The following OR9Q1 variants were observed in gnomAD, a reference collection of about 807,000 sequenced individuals.
OR9Q1 encodes the protein olfactory receptor family 9 subfamily Q member 1.
For missense variants in OR9Q1, 374 were observed against 378.8 expected (o/e 0.99, Z 0.11); for synonymous variants, 153 against 148.6 (o/e 1.03, Z -0.22).
chr11:58,122,138 T>G (rs1038972256), intron 2 of OR9Q1, among the ~76,000 whole-genome samples: 7 of 152,152 alleles, frequency 4.6e-5, no homozygotes, highest in South Asian at 2.1e-4. Flanking sequence ...ATTCACTACA[T>G]GGGTAGAGAG....
chr11:58,090,091 A>G (rs564846294), intron 2 of OR9Q1, among the ~76,000 whole-genome samples: 24 of 152,312 alleles, frequency 1.6e-4, no homozygotes, highest in African/African-American at 5.1e-4. Flanking sequence ...GTCATCTGCA[A>G]ACAGAGACAA....
chr11:58,161,289 A>C (rs191546234), intron 2 of OR9Q1, among the ~76,000 whole-genome samples: 1 of 152,052 alleles, frequency 6.6e-6, no homozygotes, highest in African/African-American at 2.4e-5. Context: ...AACCAAAAAC[A>C]TTTAAACTTG....
intron 2 of OR9Q1, among the ~76,000 whole-genome samples, chr11:58,173,863 T>C (rs1421203678): frequency 2.0e-5 from 3 of 152,182 alleles, no homozygotes; most frequent in South Asian, 2.1e-4. Context: ...GGCAGACATA[T>C]GACTTGTCTT....
intron 2 of OR9Q1, among the ~76,000 whole-genome samples, chr11:58,153,274 G>A (rs1461485732): frequency 6.6e-6 from 1 of 152,204 alleles, no homozygotes; most frequent in African/African-American, 2.4e-5. Context: ...TTAGTGTTAA[G>A]GAGATGGATG....
chr11:58,025,362 C>A (rs967850839), intron 1 of OR9Q1, among the ~76,000 whole-genome samples: 5 of 152,168 alleles, frequency 3.3e-5, no homozygotes, highest in Non-Finnish European at 7.3e-5. Context: ...CCACCATGAC[C>A]AGCTACTTTT....
At chr11:58,146,601 T>G (rs1456751691) in intron 2 of OR9Q1, among the ~76,000 whole-genome samples, 1 of 152,184 alleles carries the variant, frequency 6.6e-6, no homozygotes, top group African/African-American at 2.4e-5. Context: ...TAATTATTAA[T>G]TTTTACAATT....
At chr11:58,119,505 A>G (rs1483315663) in intron 2 of OR9Q1, 4 of 1,136,728 alleles carry the variant, frequency 3.5e-6, no homozygotes, top group South Asian at 1.5e-5. Flanking sequence ...CTCAGAATTG[A>G]AGGACAGAAT....
At chr11:58,048,251 T>TA (rs1459473632) in intron 1 of OR9Q1, among the ~76,000 whole-genome samples, 5 of 152,110 alleles carry the variant, frequency 3.3e-5, no homozygotes, top group African/African-American at 7.2e-5. Flanking sequence ...GTGTGGCTGA[T>TA]AAAAAAATGT....
chr11:58,065,721 C>T (rs1178712282), intron 2 of OR9Q1, among the ~76,000 whole-genome samples: 1 of 152,240 alleles, frequency 6.6e-6, no homozygotes, highest in East Asian at 1.9e-4. Flanking sequence ...GCTCTGCTGT[C>T]CAGCAAATTT....
chr11:58,171,148 T>C (rs1217495663), intron 2 of OR9Q1: 1 of 152,238 alleles, frequency 6.6e-6, no homozygotes. Context: ...GATGTGTCTA[T>C]GATTATTTTG....
At chr11:58,044,612 A>G (rs1231840398) in intron 1 of OR9Q1, 1 of 152,158 alleles carries the variant, frequency 6.6e-6, no homozygotes, top group Non-Finnish European at 1.5e-5. Context: ...ACCCCTCTTT[A>G]TCACGTTTTC....
intron 2 of OR9Q1, among the ~76,000 whole-genome samples, chr11:58,113,558 T>C (rs2120114931): frequency 6.6e-6 from 1 of 152,346 alleles, no homozygotes; most frequent in South Asian, 2.1e-4. Flanking sequence ...AATAGCTTTC[T>C]TACAAATATC....
At chr11:58,109,400 C>G (rs1249067187) in intron 2 of OR9Q1, 1 of 458,828 alleles carries the variant, frequency 2.2e-6, no homozygotes, top group Middle Eastern at 3.3e-4. Context: ...ACTGTCTTGT[C>G]TGTGGCCAGT....
intron 2 of OR9Q1, among the ~76,000 whole-genome samples, chr11:58,112,302 A>G (rs1853910155): frequency 6.6e-6 from 1 of 152,196 alleles, no homozygotes; most frequent in African/African-American, 2.4e-5. Context: ...CAAAGAAAAA[A>G]AAAAAGATTA....
chr11:58,151,365 G>C (rs777006956), intron 2 of OR9Q1, among the ~76,000 whole-genome samples: 61 of 152,180 alleles, frequency 4.0e-4, no homozygotes, highest in Admixed American at 9.2e-4. Context: ...CCCTGCCCCA[G>C]GTACCACAGC....
chr11:58,101,542 T>C (rs1323845229), intron 2 of OR9Q1, among the ~76,000 whole-genome samples: 1 of 152,206 alleles, frequency 6.6e-6, no homozygotes. Context: ...AGTCCTTTGT[T>C]GGATACATAG....
intron 2 of OR9Q1, among the ~76,000 whole-genome samples, chr11:58,088,522 A>T (rs150018298): frequency 4.6e-5 from 7 of 151,790 alleles, no homozygotes; most frequent in Non-Finnish European, 8.8e-5. Context: ...TTCTAACTGG[A>T]ATGAGATGGT....
intron 1 of OR9Q1, among the ~76,000 whole-genome samples, chr11:58,054,397 C>G (rs1853306620): frequency 6.6e-6 from 1 of 152,080 alleles, no homozygotes; most frequent in Non-Finnish European, 1.5e-5. Context: ...TTCCATTGGC[C>G]ATCCCATGCT....
At chr11:58,098,731 C>T (rs1853755469) in intron 2 of OR9Q1, among the ~76,000 whole-genome samples, 1 of 152,200 alleles carries the variant, frequency 6.6e-6, no homozygotes, top group South Asian at 2.1e-4. Flanking sequence ...GATGTCTTCT[C>T]GTTCTTATGT....
Sources: allele counts gnomAD v4.1 joint callset (sites outside exome capture counted in the v4.1 genomes callset), GRCh38; gene constraint gnomAD v4.1.1; transcripts MANE v1.5; gene names NCBI Gene and HGNC (gene_info 2026-07-23, HGNC 2026-07-21).